The following NCK2 variants were observed in gnomAD, a reference collection of about 807,000 sequenced individuals.
The protein encoded by NCK2 is NCK adaptor protein 2, also known as cytoplasmic protein NCK2.
Under a neutral mutation model 33.9 loss-of-function variants are expected in NCK2, and 16 were observed. The ratio of observed to expected loss-of-function variants is 0.47; its 90% CI spans 0.32 to 0.72. The LOEUF (loss-of-function observed/expected upper bound fraction) is 0.72. Ranked by LOEUF, NCK2 falls within the 30% of genes least tolerant of loss-of-function variation. NCK2 has a pLI of 0.03. For missense variants in NCK2, 418 were observed against 537.3 expected (o/e 0.78, Z 2.19); for synonymous variants, 273 against 239.9 (o/e 1.14, Z -1.27).
At chr2:105,801,365 C>G (rs114782847) in intron 1 of NCK2, among the ~76,000 whole-genome samples, 1,863 of 152,260 alleles carry the variant, frequency 0.012, 21 homozygotes, top group Middle Eastern at 0.034. Flanking sequence ...TTGCCTCCCC[C>G]CTTCCCCATG....
At chr2:105,835,268 T>A (rs2104532698) in intron 2 of NCK2, among the ~76,000 whole-genome samples, 1 of 151,044 alleles carries the variant, frequency 6.6e-6, no homozygotes, top group South Asian at 2.1e-4. Context: ...CTACTGGTGA[T>A]GAATTCCTCC....
intron 2 of NCK2, among the ~76,000 whole-genome samples, chr2:105,843,212 C>CAT (rs1159333772): frequency 4.6e-5 from 7 of 151,762 alleles, no homozygotes; most frequent in Admixed American, 1.3e-4. Flanking sequence ...ATTTATGTTT[C>CAT]ATATATATAT....
At chr2:105,853,268 G>T (rs909893548) in intron 2 of NCK2, among the ~76,000 whole-genome samples, 1 of 152,178 alleles carries the variant, frequency 6.6e-6, no homozygotes, top group Admixed American at 6.5e-5. Flanking sequence ...AAGAAGTAGA[G>T]AGTTGCTAAA....
At chr2:105,831,067 C>G (rs1676166891) in intron 2 of NCK2, among the ~76,000 whole-genome samples, 1 of 152,068 alleles carries the variant, frequency 6.6e-6, no homozygotes, top group African/African-American at 2.4e-5. Context: ...TGTGCAAAAG[C>G]TTTTTAGTTT....
chr2:105,842,902 G>A (rs375882680), intron 2 of NCK2, among the ~76,000 whole-genome samples: 1 of 149,870 alleles, frequency 6.7e-6, no homozygotes, highest in Middle Eastern at 3.4e-3. Flanking sequence ...GGGTGGGGGG[G>A]TTCTTACTGC....
intron 2 of NCK2, among the ~76,000 whole-genome samples, chr2:105,852,100 G>T (rs368104323): frequency 6.6e-6 from 1 of 152,134 alleles, no homozygotes; most frequent in Non-Finnish European, 1.5e-5. Context: ...CGCATCGGAC[G>T]GTTGGGCGGG....
intron 3 of NCK2, among the ~76,000 whole-genome samples, chr2:105,870,118 A>G (rs1032992984): frequency 2.6e-5 from 4 of 152,156 alleles, no homozygotes; most frequent in Non-Finnish European, 5.9e-5. Context: ...CAAAGGGACT[A>G]CCTGCGCATA....
rs1407851424 is a variant in NCK2, at chr2:105,893,853, C to G, written c.*677C>G. The G allele has an allele frequency of 6.6e-6, 1 of 152,614 alleles. No individual in the cohort carries two copies. The highest frequency in any genetic ancestry group is 1.5e-5 in the Non-Finnish European group (1 of 68,040). 9.5% of individuals were successfully genotyped at this position (152,614 alleles called of 1,614,324 possible). On this transcript the variant is annotated 3_prime_UTR_variant, in exon 5 of 5. Coordinates refer to ENST00000233154, the MANE Select transcript of NCK2 (RefSeq NM_003581.5). ...CATAGTGCTTTTTCCTCTTGCCCTT[C>G]GGCTTGTTTGAATCTCACAATTATG...
At chr2:105,848,781 T>C (rs1216175602) in intron 2 of NCK2, among the ~76,000 whole-genome samples, 1 of 152,210 alleles carries the variant, frequency 6.6e-6, no homozygotes, top group Non-Finnish European at 1.5e-5. Flanking sequence ...TTTCCATAAA[T>C]TGATCAGTTG....
At chr2:105,830,689 G>GTGTGTGTGTGTGTGTGTA (rs1558859290) in intron 2 of NCK2, among the ~76,000 whole-genome samples, 3 of 146,646 alleles carry the variant, frequency 2.0e-5, no homozygotes, top group Non-Finnish European at 4.5e-5. Context: ...GTGTGTGTGT[G>GTGTGTGTGTGTGTGTGTA]TGTGTGTGTG....
chr2:105,841,114 A>C (rs374410946), intron 2 of NCK2, among the ~76,000 whole-genome samples: 2 of 152,234 alleles, frequency 1.3e-5, no homozygotes, highest in East Asian at 3.8e-4. Context: ...CCCAGAGATG[A>C]CTGCATAATT....
intron 1 of NCK2, among the ~76,000 whole-genome samples, chr2:105,795,876 A>C (rs1691067892): frequency 6.6e-6 from 1 of 152,058 alleles, no homozygotes; most frequent in Admixed American, 6.6e-5. Flanking sequence ...CCCTCCCCCC[A>C]GTCTTTTTCA....
intron 1 of NCK2, among the ~76,000 whole-genome samples, chr2:105,799,488 G>A (rs1022202206): frequency 3.3e-5 from 5 of 152,098 alleles, no homozygotes; most frequent in Non-Finnish European, 5.9e-5. Flanking sequence ...TTGAGATAGT[G>A]CCTTTATCAT....
intron 2 of NCK2, among the ~76,000 whole-genome samples, chr2:105,841,129 C>T (rs1374441807): frequency 6.6e-6 from 1 of 152,224 alleles, no homozygotes; most frequent in Non-Finnish European, 1.5e-5. Flanking sequence ...ATAATTGTCT[C>T]TTCCGACATT....
Position 105,813,137 on chromosome 2 carries a change from G to C in NCK2, c.-200-3293G>C, listed in dbSNP as rs144345649. ...TGAGACATCTGGTCATTTGGTTCCT[G>C]GGCTGAATGATAAGATGTATCTCCC... is the stretch of plus-strand genomic sequence containing the variant. On this transcript the variant is annotated intron_variant, in intron 1 of 4. Transcript: ENST00000233154. Among the ~76,000 whole-genome samples the C allele has an allele frequency of 7.3e-4, 111 of 152,262 alleles. 2 individuals carry two copies. The East Asian group carries it at 0.016, about 22-fold the overall frequency.
chr2:105,745,352 G>A (rs1689243588), intron 1 of NCK2, among the ~76,000 whole-genome samples: 1 of 151,738 alleles, frequency 6.6e-6, no homozygotes, highest in African/African-American at 2.4e-5. Flanking sequence ...GCACCTTCCT[G>A]CCCGCCTTCC....
chr2:105,817,977 C>T (rs1291475067), intron 2 of NCK2, among the ~76,000 whole-genome samples: 1 of 152,040 alleles, frequency 6.6e-6, no homozygotes, highest in African/African-American at 2.4e-5. Context: ...GACACATGCA[C>T]ACGTATGTTT....
chr2:105,831,410 CTT>C (rs56247904), intron 2 of NCK2, among the ~76,000 whole-genome samples: 9 of 144,858 alleles, frequency 6.2e-5, no homozygotes, highest in African/African-American at 1.0e-4. Context: ...AGCATGATAT[CTT>C]TTTTTTTTTT....
intron 1 of NCK2, among the ~76,000 whole-genome samples, chr2:105,797,448 A>C (rs1264835963): frequency 6.6e-6 from 1 of 152,324 alleles, no homozygotes; most frequent in East Asian, 1.9e-4. Context: ...CTAAGGGGGA[A>C]AAAACCAGTA....
Sources: allele counts gnomAD v4.1 joint callset (sites outside exome capture counted in the v4.1 genomes callset), GRCh38; gene constraint gnomAD v4.1.1; transcripts MANE v1.5; gene names NCBI Gene and HGNC (gene_info 2026-07-23, HGNC 2026-07-21).